LINGO2: variants seen among roughly 807,000 people sequenced by gnomAD.
The protein encoded by LINGO2 is leucine rich repeat and Ig domain containing 2.
Under a neutral mutation model 30.6 loss-of-function variants are expected in LINGO2, and 14 were observed. The ratio of observed to expected loss-of-function variants is 0.46; its 90% CI spans 0.30 to 0.72. The LOEUF (loss-of-function observed/expected upper bound fraction) is 0.72, where lower values mean the gene tolerates loss of function less well. Among genes scored for constraint, LINGO2 ranks in the 30% least tolerant of loss-of-function variants. The pLI, the probability that LINGO2 is intolerant of heterozygous loss-of-function variation, is 0.07. For synonymous variants in LINGO2, 317 were observed against 288.5 expected, an observed-to-expected ratio of 1.10 and a Z score of -1.00; for missense variants, 729 against 751.7, an observed-to-expected ratio of 0.97 and a Z score of 0.35.
At chr9:28,992,423 T>G in the LINGO2 span, among the ~76,000 whole-genome samples, 1 of 143,786 alleles carries the variant, frequency 7.0e-6, no homozygotes, top group Non-Finnish European at 1.5e-5. Context: ...AATGGGAGAC[T>G]TTAACACCCC....
chr9:28,257,929 T>C (rs922788906), intron 4 of LINGO2, among the ~76,000 whole-genome samples: 1 of 151,934 alleles, frequency 6.6e-6, no homozygotes, highest in Non-Finnish European at 1.5e-5. Flanking sequence ...GATGTGCAAT[T>C]GTCATTCCTA....
chr9:28,273,924 A>G (rs1224524082), intron 4 of LINGO2, among the ~76,000 whole-genome samples: 1 of 152,180 alleles, frequency 6.6e-6, no homozygotes, highest in Non-Finnish European at 1.5e-5. Flanking sequence ...TCCCCTGCCT[A>G]GAGAGCAATG....
intron 1 of LINGO2, among the ~76,000 whole-genome samples, chr9:28,633,370 G>C (rs919334037): frequency 6.6e-6 from 1 of 152,124 alleles, no homozygotes; most frequent in Non-Finnish European, 1.5e-5. Context: ...AGGTGAAACC[G>C]AGATGCAAGT....
chr9:28,909,888 T>A, the LINGO2 span, among the ~76,000 whole-genome samples: 4 of 151,970 alleles, frequency 2.6e-5, no homozygotes, highest in South Asian at 6.2e-4. Context: ...GCTTGCTGAG[T>A]GACAAATTAT....
At chr9:29,181,238 T>C in the LINGO2 span, among the ~76,000 whole-genome samples, 2 of 152,120 alleles carry the variant, frequency 1.3e-5, no homozygotes, top group South Asian at 4.1e-4. Flanking sequence ...TCCTTATCTA[T>C]GAAATAGAAG....
the LINGO2 span, among the ~76,000 whole-genome samples, chr9:29,208,313 C>G: frequency 6.6e-6 from 1 of 151,958 alleles, no homozygotes. Flanking sequence ...TATTTTAACT[C>G]TTTTTCCTTG....
chr9:28,231,307 C>T (rs922137573), intron 4 of LINGO2, among the ~76,000 whole-genome samples: 3 of 151,926 alleles, frequency 2.0e-5, no homozygotes, highest in African/African-American at 7.2e-5. Context: ...GAAGATTCTT[C>T]CCTATATAGG....
intron 4 of LINGO2, among the ~76,000 whole-genome samples, chr9:28,181,816 A>G (rs1275019066): frequency 6.6e-6 from 1 of 152,078 alleles, no homozygotes; most frequent in East Asian, 1.9e-4. Context: ...AGTGGTTTGT[A>G]GTTCTCCTTG....
chr9:28,611,833 T>G (rs10812852), intron 1 of LINGO2, among the ~76,000 whole-genome samples: 7 of 149,360 alleles, frequency 4.7e-5, no homozygotes, highest in Non-Finnish European at 1.0e-4. Flanking sequence ...TTATTTATTT[T>G]TTTTTGAGAC....
the LINGO2 span, among the ~76,000 whole-genome samples, chr9:29,128,694 G>A: frequency 6.6e-6 from 1 of 152,090 alleles, no homozygotes; most frequent in African/African-American, 2.4e-5. Flanking sequence ...TACCCACTGG[G>A]ACAAGCAAAT....
the LINGO2 span, among the ~76,000 whole-genome samples, chr9:29,014,411 T>C: frequency 2.0e-5 from 3 of 152,300 alleles, no homozygotes; most frequent in Middle Eastern, 3.4e-3. Flanking sequence ...TAGGTGCCAT[T>C]GCTGTAATCT....
intron 4 of LINGO2, among the ~76,000 whole-genome samples, chr9:28,122,925 T>A (rs2133405328): frequency 6.6e-6 from 1 of 152,360 alleles, no homozygotes; most frequent in East Asian, 1.9e-4. Flanking sequence ...TGTGCTAGGA[T>A]TACAAATGGC....
intron 3 of LINGO2, among the ~76,000 whole-genome samples, chr9:28,310,671 T>C (rs1476178105): frequency 2.6e-5 from 4 of 152,186 alleles, no homozygotes; most frequent in African/African-American, 9.7e-5. Flanking sequence ...ATGGGTATAT[T>C]CATGTGTCAA....
In LINGO2 at chr9:28,627,343, A is replaced by T. The variant is rs531750251; in HGVS notation, c.-365+42857T>A. On this transcript the variant is annotated intron_variant, in intron 1 of 5. Coordinates refer to ENST00000379992, the Ensembl canonical transcript of LINGO2. ...CAATAGACAAATAATATTGTATAGA[A>T]TTCTCCATAGTTTACTTTCTGGCAA... Among the ~76,000 whole-genome samples the T allele has an allele frequency of 6.6e-5, 10 of 152,202 alleles. No homozygotes were observed. In the South Asian group the frequency reaches 2.1e-3, roughly 32 times the overall value.
chr9:28,223,307 T>A (rs1439238743), intron 4 of LINGO2, among the ~76,000 whole-genome samples: 3 of 152,212 alleles, frequency 2.0e-5, no homozygotes, highest in African/African-American at 7.2e-5. Context: ...TTCTGCCGTC[T>A]CACATCCTCT....
chr9:29,167,469 G>C, the LINGO2 span, among the ~76,000 whole-genome samples: 1 of 152,080 alleles, frequency 6.6e-6, no homozygotes, highest in African/African-American at 2.4e-5. Context: ...GTGAGCTTAA[G>C]TGTGACAAGA....
the LINGO2 span, among the ~76,000 whole-genome samples, chr9:28,752,435 A>ACATGATT: frequency 6.6e-6 from 1 of 152,066 alleles, no homozygotes; most frequent in African/African-American, 2.4e-5. Context: ...ATTTGATGAC[A>ACATGATT]CATGATTGTC....
chr9:28,077,228 A>G (rs1349799587), intron 4 of LINGO2, among the ~76,000 whole-genome samples: 1 of 152,334 alleles, frequency 6.6e-6, no homozygotes, highest in East Asian at 1.9e-4. Context: ...AATGGTATAC[A>G]TACATACAAG....
At chr9:29,199,973 C>T in the LINGO2 span, among the ~76,000 whole-genome samples, 69 of 151,840 alleles carry the variant, frequency 4.5e-4, no homozygotes, top group African/African-American at 1.6e-3. Flanking sequence ...TGAAGCTTAA[C>T]GAAAACTATC....
Sources: allele counts gnomAD v4.1 joint callset (sites outside exome capture counted in the v4.1 genomes callset), GRCh38; gene constraint gnomAD v4.1.1; transcripts MANE v1.5; gene names NCBI Gene and HGNC (gene_info 2026-07-23, HGNC 2026-07-21).